The following IRAG2 variants were observed in gnomAD, a reference collection of about 807,000 sequenced individuals.
IRAG2 encodes lymphoid restricted membrane protein.
In IRAG2, 45 loss-of-function variants were observed where a neutral mutation model predicts 69.9. The observed-to-expected ratio is 0.64, with a 90% CI of 0.51 to 0.83. The LOEUF is 0.83. IRAG2 is among the 40% of genes least tolerant of loss of function. The probability of loss-of-function intolerance (pLI) is 0.00; values close to 1 mark genes in which losing one functional copy is unlikely to be tolerated. For missense variants in IRAG2, 520 were observed against 587.0 expected (o/e 0.89, Z 1.18); for synonymous variants, 193 against 202.4 (o/e 0.95, Z 0.40).
At chr12:25,049,731 A>G (rs1359903734), upstream of IRAG2, among the ~76,000 whole-genome samples, 2 of 152,182 alleles carry the variant, frequency 1.3e-5, no homozygotes, top group African/African-American at 2.4e-5. Context: ...TCACGCCTGT[A>G]ATCCCAGCAC....
intron 16 of IRAG2, among the ~76,000 whole-genome samples, chr12:25,045,848 T>TAAAAAAAAA: frequency 7.6e-6 from 1 of 131,564 alleles, no homozygotes; most frequent in Non-Finnish European, 1.6e-5. Flanking sequence ...AAATAAAAGA[T>TAAAAAAAAA]AAAAAAAAAA....
At chr12:25,025,360 T>G (rs1362590201) in intron 8 of IRAG2, among the ~76,000 whole-genome samples, 1 of 152,230 alleles carries the variant, frequency 6.6e-6, no homozygotes, top group East Asian at 1.9e-4. Flanking sequence ...ATCGTGAGGC[T>G]GCAGCCTGCC....
rs145605464 is a variant in IRAG2 at position 25,073,059 on chromosome 12, T to C, written c.24+3628T>C. ...GATTAAGAGTGGGGAGATGAGGTTTTTCTGTGGGTTGGCCTCTGTGTGAGT... is the reference window on the plus strand; with the variant it reads ...GATTAAGAGTGGGGAGATGAGGTTTCTCTGTGGGTTGGCCTCTGTGTGAGT... On this transcript the variant is annotated intron_variant, in intron 6 of 21. Transcript: ENST00000556887. Among the ~76,000 whole-genome samples the C allele has an allele frequency of 9.7e-3, 1,481 of 152,334 alleles. 21 individuals are homozygous for C. Among genetic ancestry groups the C allele is most frequent in the Middle Eastern group, 0.048 (14 of 294 alleles).
chr12:25,052,564 G>A (rs1329599314), upstream of IRAG2: 10 of 397,082 alleles, frequency 2.5e-5, no homozygotes, highest in East Asian at 7.1e-5. Flanking sequence ...TGAAAGAGGC[G>A]ACTCTGCAGA....
In IRAG2 at chr12:25,036,785, C is replaced by G. The variant is rs1944705454; in HGVS notation, c.1980+99C>G. 1.0e-5 allele frequency: 4 copies of G among 394,858 alleles called. No individual in the cohort carries two copies. In the Admixed American group the frequency reaches 1.8e-4, roughly 17 times the overall value. The allele number at this position is 394,858 out of a possible 1,614,324, so 24.5% of individuals were successfully genotyped here. On this transcript the variant is annotated intron_variant, in intron 15 of 38. Coordinates refer to the IRAG2 transcript ENST00000636465. The stretch of plus-strand genomic sequence containing the variant: ...ACCATTTCTAAGACTTTATTGTAGT[C>G]TTCTGCTATCTTAGTCTGATCATGA...
At chr12:25,072,877 G>C (rs150172533) in intron 6 of IRAG2, among the ~76,000 whole-genome samples, 29 of 152,344 alleles carry the variant, frequency 1.9e-4, no homozygotes, top group African/African-American at 6.7e-4. Flanking sequence ...TGTTTGTGCT[G>C]TTTTCTTTGC....
At chr12:25,100,963 G>A (rs1948720098) in intron 15 of IRAG2, 2 of 389,816 alleles carry the variant, frequency 5.1e-6, no homozygotes, top group South Asian at 6.0e-5. Flanking sequence ...CCAGGTCTTA[G>A]TCATTTGCCA....
At chr12:25,091,056 G>C (rs1350986994) in intron 14 of IRAG2, 1 of 174,506 alleles carries the variant, frequency 5.7e-6, no homozygotes, top group Non-Finnish European at 1.2e-5. Context: ...TTAGAGATGA[G>C]CTGGAAAATT....
exon 13 of IRAG2, chr12:25,033,874 G>C: frequency 2.5e-6 from 1 of 398,960 alleles, no homozygotes; most frequent in Non-Finnish European, 4.4e-6. Flanking sequence ...AATGTTAATG[G>C]AGAGTGTAAC....
At position 25,104,032 on chromosome 12, in the gene IRAG2, T is replaced by G; in HGVS notation, c.1020T>G (p.Asp340Glu). The part of the protein sequence containing the change: ...AGMVAGMENN[D>E]RFSRRSSSWR... ...AGGTGGCTGGGATGGAAAATAATGA[T>G]CGATTCAGTAGAAGGTCAAGCAGTT... The change falls in exon 19 of 22, where the codon GAT becomes GAG. Residue 340 changes from aspartate to glutamate, a missense_variant. Transcript: ENST00000556887. The G allele has an allele frequency of 6.2e-7, 1 of 1,613,564 alleles. No homozygotes were observed. The highest frequency in any genetic ancestry group is 8.5e-7 in the Non-Finnish European group (1 of 1,179,738).
intron 1 of IRAG2, among the ~76,000 whole-genome samples, chr12:25,054,195 C>T (rs576679498): frequency 6.6e-6 from 1 of 152,282 alleles, no homozygotes; most frequent in East Asian, 1.9e-4. Flanking sequence ...CTCTGTTAAG[C>T]TAGTAAGGCA....
chr12:25,079,637 TTG>T lies in IRAG2; in HGVS notation c.137-17_137-16del. The T allele has an allele frequency of 6.7e-7, 1 of 1,493,532 alleles. No individual in the cohort carries two copies. The highest frequency in any genetic ancestry group is 9.3e-7 in the Non-Finnish European group (1 of 1,070,200). The allele number at this position is 1,493,532 out of a possible 1,614,324, so 92.5% of individuals were successfully genotyped here. A position where few individuals can be genotyped will look rare whatever the true frequency, so the allele number is the denominator to read the frequency against. The stretch of plus-strand genomic sequence containing the variant: ...ATTATGTGCATAGTATTCGCACCAT[TTG>T]TTTCTCCTGTTGACAGATCCTGGAT... On this transcript the variant is annotated splice_polypyrimidine_tract_variant and intron_variant, in intron 8 of 21. Transcript: ENST00000556887.
chr12:25,005,180 A>G, intron 1 of IRAG2: 1 of 817,442 alleles, frequency 1.2e-6, no homozygotes, highest in Non-Finnish European at 1.6e-6. Context: ...AAAAAAAAAA[A>G]GGAAAATTAA....
At chr12:25,009,758 G>T (rs1403495653) in intron 2 of IRAG2, among the ~76,000 whole-genome samples, 2 of 151,914 alleles carry the variant, frequency 1.3e-5, no homozygotes, top group African/African-American at 4.8e-5. Flanking sequence ...AAGCCAGCAG[G>T]CTTGAAGCAA....
rs770955112 is a variant in IRAG2, at chr12:25,088,093, A to T, written c.316-7A>T. 1 of 1,605,128 alleles carries T rather than the reference A, an allele frequency of 6.2e-7. No homozygotes were observed. The highest frequency in any genetic ancestry group is 1.7e-5 in the Admixed American group (1 of 60,020). On this transcript the variant is annotated splice_polypyrimidine_tract_variant and splice_region_variant and intron_variant, in intron 10 of 21. Coordinates refer to ENST00000556887, the MANE Select transcript of IRAG2 (RefSeq NM_001366544.2). ...CTATGTACAGTGGTAAAATCTTATG[A>T]TTTTAGGAAGCCAAAGAGGAACCAG... is the stretch of plus-strand genomic sequence containing the variant.
chr12:25,105,000 G>A (rs557040501), intron 20 of IRAG2, among the ~76,000 whole-genome samples: 62 of 151,666 alleles, frequency 4.1e-4, no homozygotes, highest in South Asian at 1.5e-3. Flanking sequence ...CAAGAAGGAG[G>A]GATATGCAGA....
At chr12:25,094,117 T>G (rs1315290653) in intron 14 of IRAG2, among the ~76,000 whole-genome samples, 2 of 152,178 alleles carry the variant, frequency 1.3e-5, no homozygotes, top group Non-Finnish European at 2.9e-5. Context: ...TTTTCACTTT[T>G]GTTGTCTGTG....
chr12:25,062,703 T>C (rs1383486957), intron 2 of IRAG2, 117 bp from the exon 3 acceptor site: 2 of 395,682 alleles, frequency 5.1e-6, no homozygotes, highest in Non-Finnish European at 8.9e-6. Flanking sequence ...AAAAAGAACT[T>C]GTCAATTTCA....
intron 3 of IRAG2, among the ~76,000 whole-genome samples, chr12:25,011,969 G>A (rs1275608874): frequency 6.6e-6 from 1 of 151,982 alleles, no homozygotes; most frequent in Non-Finnish European, 1.5e-5. Context: ...AGGGCAGTGG[G>A]GCTAGTCAGT....
Sources: allele counts gnomAD v4.1 joint callset (sites outside exome capture counted in the v4.1 genomes callset), GRCh38; gene constraint gnomAD v4.1.1; transcripts MANE v1.5; gene names NCBI Gene and HGNC (gene_info 2026-07-23, HGNC 2026-07-21).